Variants in DLGAP1 observed in about 807,000 individuals in gnomAD.
The protein encoded by DLGAP1 is DLG associated protein 1.
A neutral mutation model predicts 90.8 loss-of-function variants in DLGAP1; 11 were observed. That is an observed-to-expected ratio of 0.12 (90% CI 0.08 to 0.20). DLGAP1 has a LOEUF of 0.20. Ranked by LOEUF, DLGAP1 falls within the 10% of genes least tolerant of loss-of-function variation. The pLI is 1.00. For missense variants in DLGAP1, 1,050 were observed against 1,333.8 expected (o/e 0.79, Z 3.31); for synonymous variants, 558 against 540.7 (o/e 1.03, Z -0.44).
At chr18:3,971,003 C>T (rs929934042) in intron 3 of DLGAP1, among the ~76,000 whole-genome samples, 16 of 152,260 alleles carry the variant, frequency 1.1e-4, no homozygotes, top group African/African-American at 3.9e-4. Context: ...CCTAATCAAG[C>T]ATTGAGACAG....
intron 4 of DLGAP1, among the ~76,000 whole-genome samples, chr18:3,830,490 C>T (rs896965761): frequency 5.3e-5 from 8 of 152,162 alleles, no homozygotes; most frequent in Admixed American, 2.0e-4. Context: ...ACCTTGAACC[C>T]GGGAGGCGGA....
chr18:3,586,309 A>G (rs941517482), intron 7 of DLGAP1, among the ~76,000 whole-genome samples: 1 of 152,108 alleles, frequency 6.6e-6, no homozygotes, highest in African/African-American at 2.4e-5. Flanking sequence ...AAGGAAAGGA[A>G]CCATCTCCCA....
chr18:4,129,598 G>A (rs1006594936), intron 2 of DLGAP1, among the ~76,000 whole-genome samples: 1 of 152,118 alleles, frequency 6.6e-6, no homozygotes, highest in East Asian at 1.9e-4. Context: ...GACTTTTCCT[G>A]AGGCTTTGGG....
Position 3,519,517 on chromosome 18 carries a change from G to A in DLGAP1, c.2480-10856C>T, listed in dbSNP as rs552652107. On this transcript the variant is annotated intron_variant, in intron 10 of 12. Transcript: ENST00000315677. The stretch of plus-strand genomic sequence containing the variant: ...CCTTGCCTCCTATGAGATGAAAATG[G>A]AGGGAATCAGGCATGAACACTGCTG... Among the ~76,000 whole-genome samples, 3 of 152,284 alleles carry A rather than the reference G, an allele frequency of 2.0e-5. No homozygotes were observed. The East Asian group carries it at 5.8e-4, about 29-fold the overall frequency.
Position 4,404,191 on chromosome 18 carries a change from T to G in DLGAP1, c.-267+50815A>C, listed in dbSNP as rs569441667. ...GTTGTTTTTATAACCATATGAGTATTTCACTGTATATGACTTGGAAAGAAT... is the reference window on the plus strand; with the variant it reads ...GTTGTTTTTATAACCATATGAGTATGTCACTGTATATGACTTGGAAAGAAT... On this transcript the variant is annotated intron_variant, in intron 1 of 12. Transcript: ENST00000315677. 4.6e-5 allele frequency among the ~76,000 whole-genome samples: 7 copies of G among 152,322 alleles called. No homozygotes were observed. In the South Asian group the frequency reaches 1.5e-3, roughly 32 times the overall value.
intron 1 of DLGAP1, among the ~76,000 whole-genome samples, chr18:4,258,240 CGTT>C (rs1309395566): frequency 6.6e-6 from 1 of 152,012 alleles, no homozygotes; most frequent in Non-Finnish European, 1.5e-5. Flanking sequence ...GATGAGGTCT[CGTT>C]GTGTTGCTCA....
chr18:3,786,888 CA>C (rs1252791912), intron 5 of DLGAP1, among the ~76,000 whole-genome samples: 3 of 152,088 alleles, frequency 2.0e-5, no homozygotes, highest in Non-Finnish European at 4.4e-5. Context: ...AGTCAAAGAA[CA>C]GTGGAAAATG....
At chr18:4,245,238 G>T (rs2078629334) in intron 1 of DLGAP1, among the ~76,000 whole-genome samples, 1 of 152,142 alleles carries the variant, frequency 6.6e-6, no homozygotes, top group Non-Finnish European at 1.5e-5. Context: ...ATAGTATTCT[G>T]TAAAATCCGA....
intron 2 of DLGAP1, among the ~76,000 whole-genome samples, chr18:4,101,657 T>G (rs1439239653): frequency 8.1e-6 from 1 of 122,802 alleles, no homozygotes; most frequent in Non-Finnish European, 1.7e-5. Flanking sequence ...ACCTGTGTAC[T>G]GCAGTCTTGC....
At chr18:4,178,202 A>AC (rs2077146042) in intron 1 of DLGAP1, among the ~76,000 whole-genome samples, 5 of 118,476 alleles carry the variant, frequency 4.2e-5, no homozygotes, top group African/African-American at 1.6e-4. Context: ...TCCTGGAATA[A>AC]ACACACACAC....
chr18:4,043,244 T>C (rs2075002238), intron 2 of DLGAP1, among the ~76,000 whole-genome samples: 1 of 152,212 alleles, frequency 6.6e-6, no homozygotes, highest in Non-Finnish European at 1.5e-5. Context: ...ACAAAAAGCA[T>C]TTGCACAGCC....
At chr18:4,419,698 G>A (rs1252736958) in intron 1 of DLGAP1, among the ~76,000 whole-genome samples, 1 of 151,944 alleles carries the variant, frequency 6.6e-6, no homozygotes, top group Non-Finnish European at 1.5e-5. Context: ...CATGCAGTGG[G>A]ATTATAATAT....
chr18:4,059,277 T>C (rs59537601), intron 2 of DLGAP1, among the ~76,000 whole-genome samples: 11,382 of 152,192 alleles, frequency 0.075, 679 homozygotes, highest in African/African-American at 0.17. Context: ...TCCTTTTTTT[T>C]CTCCCCTTTT....
intron 7 of DLGAP1, among the ~76,000 whole-genome samples, chr18:3,592,864 AAAAG>A (rs2056339317): frequency 8.3e-6 from 1 of 119,824 alleles, no homozygotes; most frequent in South Asian, 2.9e-4. Context: ...AAAAAAAAAA[AAAAG>A]AAAAAGAAAG....
intron 1 of DLGAP1, among the ~76,000 whole-genome samples, chr18:4,250,533 T>C (rs1230559048): frequency 1.3e-5 from 2 of 152,222 alleles, no homozygotes; most frequent in African/African-American, 4.8e-5. Flanking sequence ...AGCTAATTTT[T>C]ATTTCCAGCT....
At chr18:3,736,799 A>C (rs1364964466) in intron 6 of DLGAP1, among the ~76,000 whole-genome samples, 3 of 127,172 alleles carry the variant, frequency 2.4e-5, no homozygotes, top group African/African-American at 2.9e-5. Flanking sequence ...ATAGAGACAC[A>C]AAAAACCCTT....
At chr18:3,925,097 C>T (rs371288616) in intron 3 of DLGAP1, among the ~76,000 whole-genome samples, 2 of 151,942 alleles carry the variant, frequency 1.3e-5, no homozygotes, top group East Asian at 3.9e-4. Flanking sequence ...GGACTACAGG[C>T]GTGCCACACC....
At chr18:3,704,417 A>T (rs530861175) in intron 7 of DLGAP1, among the ~76,000 whole-genome samples, 1 of 152,156 alleles carries the variant, frequency 6.6e-6, no homozygotes, top group East Asian at 1.9e-4. Context: ...CTAAAAATAC[A>T]AAAATTAGCT....
chr18:3,975,682 A>G (rs1310124823), intron 3 of DLGAP1, among the ~76,000 whole-genome samples: 3 of 151,488 alleles, frequency 2.0e-5, no homozygotes, highest in African/African-American at 7.4e-5. Flanking sequence ...CAAGTGCCCT[A>G]AGAAGAATGA....
Sources: allele counts gnomAD v4.1 joint callset (sites outside exome capture counted in the v4.1 genomes callset), GRCh38; gene constraint gnomAD v4.1.1; transcripts MANE v1.5; gene names NCBI Gene and HGNC (gene_info 2026-07-23, HGNC 2026-07-21).